TNNI3K: variants seen among roughly 807,000 people sequenced by gnomAD.
TNNI3K encodes serine/threonine-protein kinase TNNI3K.
Under a neutral mutation model 114.5 loss-of-function variants are expected in TNNI3K, and 140 were observed. The observed-to-expected ratio is 1.22, with a 90% CI of 1.07 to 1.41. The LOEUF is 1.41. Among genes scored for constraint, TNNI3K ranks in the 40% most tolerant of loss-of-function variants. The probability of loss-of-function intolerance (pLI) is 0.00; values close to 1 mark genes in which losing one functional copy is unlikely to be tolerated. For synonymous variants in TNNI3K, 347 were observed against 347.5 expected, an observed-to-expected ratio of 1.00 and a Z score of 0.02; for missense variants, 1,125 against 1,007.6, an observed-to-expected ratio of 1.12 and a Z score of -1.58.
intron 11 of TNNI3K, among the ~76,000 whole-genome samples, chr1:74,356,766 T>C (rs1353707462): frequency 6.6e-6 from 1 of 152,232 alleles, no homozygotes; most frequent in Non-Finnish European, 1.5e-5. Context: ...TAAGATTTCC[T>C]ATGAAATGTC....
intron 23 of TNNI3K, among the ~76,000 whole-genome samples, chr1:74,524,669 C>CAGCAAATAGCAAAT (rs11281076): frequency 6.6e-6 from 1 of 151,196 alleles, no homozygotes; most frequent in Non-Finnish European, 1.5e-5. Flanking sequence ...GGAGATACAG[C>CAGCAAATAGCAAAT]AGCAAATAAA....
intron 17 of TNNI3K, among the ~76,000 whole-genome samples, chr1:74,428,187 G>A (rs1409893010): frequency 6.6e-6 from 1 of 152,050 alleles, no homozygotes; most frequent in African/African-American, 2.4e-5. Context: ...GGCTTTCCAT[G>A]TTTAGAAGTC....
intron 20 of TNNI3K, among the ~76,000 whole-genome samples, chr1:74,445,767 C>T (rs945099060): frequency 1.9e-4 from 29 of 151,742 alleles, no homozygotes; most frequent in Non-Finnish European, 2.4e-4. Flanking sequence ...CCCGCCACTA[C>T]GCCTGGCTAA....
chr1:74,386,314 A>G (rs1048917153), intron 17 of TNNI3K, among the ~76,000 whole-genome samples: 3 of 152,148 alleles, frequency 2.0e-5, no homozygotes, highest in Non-Finnish European at 4.4e-5. Flanking sequence ...GAAAACTGGC[A>G]GATATAACAT....
chr1:74,523,657 A>T (rs1288744701), intron 23 of TNNI3K, among the ~76,000 whole-genome samples: 3 of 152,162 alleles, frequency 2.0e-5, no homozygotes, highest in African/African-American at 7.2e-5. Flanking sequence ...AGGCCCTGAG[A>T]GTTGGCAGTG....
intron 23 of TNNI3K, among the ~76,000 whole-genome samples, chr1:74,498,847 GT>G (rs1669466178): frequency 6.6e-6 from 1 of 151,902 alleles, no homozygotes; most frequent in South Asian, 2.1e-4. Flanking sequence ...TTCCCTGTGT[GT>G]TTTTTAAAAA....
intron 17 of TNNI3K, among the ~76,000 whole-genome samples, chr1:74,403,192 G>A (rs753393876): frequency 3.9e-5 from 6 of 151,980 alleles, no homozygotes; most frequent in Non-Finnish European, 5.9e-5. Flanking sequence ...ACATCTCCTG[G>A]TTTCATTCTC....
At chr1:74,283,653 A>C (rs1657148088) in intron 5 of TNNI3K, among the ~76,000 whole-genome samples, 1 of 152,160 alleles carries the variant, frequency 6.6e-6, no homozygotes, top group Non-Finnish European at 1.5e-5. Context: ...TTGCTAACCA[A>C]ATCAACCTGA....
intron 23 of TNNI3K, among the ~76,000 whole-genome samples, chr1:74,511,683 C>T (rs2100382495): frequency 6.6e-6 from 1 of 152,004 alleles, no homozygotes; most frequent in Non-Finnish European, 1.5e-5. Context: ...GGGAGGAGGT[C>T]AGAGAAACAC....
Position 74,257,661 on chromosome 1 carries a change from C to CCTTTTTTTTTTTTTTTTTTTTT in TNNI3K, c.333+6892_333+6893insCTTTTTTTTTTTTTTTTTTTTT. 2.5e-5 allele frequency among the ~76,000 whole-genome samples: 2 copies of CCTTTTTTTTTTTTTTTTTTTTT among 78,590 alleles called. 1 individual carries two copies. The allele number at this position is 78,590 out of a possible 152,430, so 51.6% of individuals were successfully genotyped here. The stretch of plus-strand genomic sequence containing the variant: ...GTTTGAACTTAGCCTCTTGGCTTAC[C>CCTTTTTTTTTTTTTTTTTTTTT]TCTTTTTTTTTTTTTTTTTTTTTTT... On this transcript the variant is annotated intron_variant, in intron 4 of 24. Transcript: ENST00000326637.
At position 74,345,232 on chromosome 1, in the gene TNNI3K, G is replaced by A. The variant is rs553821886; in HGVS notation, c.932+2053G>A. 3.9e-5 allele frequency among the ~76,000 whole-genome samples: 6 copies of A among 152,198 alleles called. No individual in the cohort carries two copies. In the South Asian group the frequency reaches 1.2e-3, roughly 32 times the overall value. ...ATGATGATATGATATATTGCACTGAGATGGTAGTTTTTTTATTCACTCAAT... is the reference window on the plus strand; with the variant it reads ...ATGATGATATGATATATTGCACTGAAATGGTAGTTTTTTTATTCACTCAAT... On this transcript the variant is annotated intron_variant, in intron 9 of 24. Transcript: ENST00000326637.
intron 16 of TNNI3K, 118 bp downstream of exon 16, chr1:74,369,703 A>C: frequency 2.5e-6 from 3 of 1,194,990 alleles, no homozygotes; most frequent in Admixed American, 2.9e-5. Context: ...TGCTGCTAGC[A>C]AGTGTGTCAT....
chr1:74,455,295 AAGAAGTGAGGAAGATGATCC>A (rs1667184492), intron 20 of TNNI3K, among the ~76,000 whole-genome samples: 1 of 152,188 alleles, frequency 6.6e-6, no homozygotes, highest in African/African-American at 2.4e-5. Context: ...GTAAACTATG[AAGAAGTGAGGAAGATGATCC>A]AGCAGAAAGC....
At chr1:74,260,142 G>A (rs549613397) in intron 4 of TNNI3K, among the ~76,000 whole-genome samples, 1 of 152,038 alleles carries the variant, frequency 6.6e-6, no homozygotes, top group Non-Finnish European at 1.5e-5. Context: ...AGAAATTATT[G>A]CACTCTCTTT....
intron 5 of TNNI3K, among the ~76,000 whole-genome samples, chr1:74,309,050 C>A (rs1445606936): frequency 3.9e-5 from 6 of 152,102 alleles, no homozygotes; most frequent in Admixed American, 3.9e-4. Context: ...CAGACAGATT[C>A]ACAGCTGAAT....
At chr1:74,423,971 G>T (rs779782717) in intron 17 of TNNI3K, among the ~76,000 whole-genome samples, 1 of 152,124 alleles carries the variant, frequency 6.6e-6, no homozygotes, top group Non-Finnish European at 1.5e-5. Flanking sequence ...TTCTACAAAT[G>T]AGATATTAGA....
chr1:74,475,311 A>G (rs1420752031), intron 21 of TNNI3K: 1 of 672,980 alleles, frequency 1.5e-6, no homozygotes, highest in African/African-American at 1.8e-5. Context: ...TTCTTATTAT[A>G]TGGTGTTGCA....
rs1347447434 is a variant in TNNI3K, at chr1:74,439,486, G to A, written c.1879-4G>A. The A allele has an allele frequency of 6.2e-7, 1 of 1,611,440 alleles. No homozygotes were observed. The highest frequency in any genetic ancestry group is 2.2e-5 in the East Asian group (1 of 44,806). ...ATGGCTTGTGGATGTTTCTTGATGT[G>A]CAGAACCTCCGTTGGATGGCTCCTG... On this transcript the variant is annotated splice_region_variant and splice_polypyrimidine_tract_variant and intron_variant, in intron 19 of 24. Coordinates refer to ENST00000326637, the MANE Select transcript of TNNI3K (RefSeq NM_015978.3).
intron 4 of TNNI3K, among the ~76,000 whole-genome samples, chr1:74,254,084 C>G (rs1339957179): frequency 6.6e-6 from 1 of 152,180 alleles, no homozygotes; most frequent in Non-Finnish European, 1.5e-5. Flanking sequence ...TTCAAACTTA[C>G]AAAGACAATT....
Sources: gnomAD v4.1 joint callset for allele counts (sites outside exome capture counted in the v4.1 genomes callset) on GRCh38, gnomAD v4.1.1 for gene constraint, MANE v1.5 for transcripts, NCBI Gene and HGNC (gene_info 2026-07-23, HGNC 2026-07-21) for gene names.